Variants in STK32B observed in about 807,000 individuals in gnomAD.
STK32B encodes serine/threonine-protein kinase 32B.
In STK32B, 43 loss-of-function variants were observed where a neutral mutation model predicts 52.6. The observed-to-expected ratio is 0.82, with a 90% CI of 0.64 to 1.05. The LOEUF (loss-of-function observed/expected upper bound fraction) is 1.05. Ranked by LOEUF, STK32B falls within the 50% of genes least tolerant of loss-of-function variation. The pLI is 0.00. For synonymous variants in STK32B, 238 were observed against 204.3 expected (o/e 1.17, Z -1.41); for missense variants, 621 against 534.6 (o/e 1.16, Z -1.59).
rs1036012062 is a variant in STK32B at position 5,386,119 on chromosome 4, G to A, written c.435-12088G>A. Among the ~76,000 whole-genome samples the A allele has an allele frequency of 1.8e-4, 26 of 147,918 alleles. No individual in the cohort carries two copies. The highest frequency in any genetic ancestry group is 6.2e-4 in the African/African-American group (25 of 40,004). On this transcript the variant is annotated intron_variant, in intron 4 of 11. Transcript: ENST00000282908. The surrounding 1 kb of genome is among the most constrained non-coding windows in gnomAD (Gnocchi z 4.5). ...GCTCCACCCACAGGCCCCACCCACA[G>A]CTCTTGGCCCACAGTTCCTGGCCTT...
intron 3 of STK32B, among the ~76,000 whole-genome samples, chr4:5,318,102 CGTGT>C (rs144974089): frequency 9.3e-5 from 14 of 150,754 alleles, no homozygotes; most frequent in African/African-American, 2.7e-4. Context: ...TGCTTGTGCA[CGTGT>C]GTGTGTGTGT....
At chr4:5,413,977 CAAAAT>C (rs1286393993) in intron 5 of STK32B, among the ~76,000 whole-genome samples, 6 of 152,112 alleles carry the variant, frequency 3.9e-5, no homozygotes, top group African/African-American at 9.7e-5. Flanking sequence ...GGGATTTACT[CAAAAT>C]AAAAGTACTA....
At chr4:5,492,054 C>T (rs967196053) in intron 11 of STK32B, among the ~76,000 whole-genome samples, 1 of 152,044 alleles carries the variant, frequency 6.6e-6, no homozygotes, top group African/African-American at 2.4e-5. Context: ...ATTGACTTGG[C>T]AATGCGGGCT....
In STK32B at chr4:5,271,913, A is replaced by G. The variant is rs1012642806; in HGVS notation, c.261-59307A>G. On this transcript the variant is annotated intron_variant, in intron 3 of 11. Transcript: ENST00000282908. ...CTTAAGGAGATATTGGGCTGAGACA[A>G]TGGGGTTTTCTAGATATACAATCAT... Among the ~76,000 whole-genome samples, 32 of 145,874 alleles carry G rather than the reference A, an allele frequency of 2.2e-4. 2 individuals carry two copies. The highest frequency in any genetic ancestry group is 8.6e-4 in the African/African-American group (31 of 35,946).
chr4:5,140,426 C>T, intron 2 of STK32B: 1 of 661,124 alleles, frequency 1.5e-6, no homozygotes, highest in Non-Finnish European at 2.0e-6. Context: ...CAGTCTGTTC[C>T]CACATACTCA....
intron 3 of STK32B, among the ~76,000 whole-genome samples, chr4:5,256,513 A>T (rs1726311469): frequency 6.6e-6 from 1 of 152,166 alleles, no homozygotes; most frequent in African/African-American, 2.4e-5. Flanking sequence ...TCCCCTGTTG[A>T]GTAAATGAGC....
chr4:5,346,835 A>G (rs1733496899), intron 4 of STK32B, among the ~76,000 whole-genome samples: 1 of 152,204 alleles, frequency 6.6e-6, no homozygotes, highest in African/African-American at 2.4e-5. Context: ...AAGAAGGTTT[A>G]ATTGACTCAC....
At chr4:5,251,321 C>T (rs891046339) in intron 3 of STK32B, among the ~76,000 whole-genome samples, 12 of 152,178 alleles carry the variant, frequency 7.9e-5, no homozygotes, top group Admixed American at 5.2e-4. Context: ...GTTATCCCAG[C>T]ACCATTTGTT....
intron 5 of STK32B, among the ~76,000 whole-genome samples, chr4:5,408,152 T>A (rs936839603): frequency 7.9e-5 from 12 of 152,094 alleles, no homozygotes; most frequent in African/African-American, 2.9e-4. Context: ...CGGACTGAGA[T>A]GGGGAGTGAA....
chr4:5,240,995 GTTC>G (rs1724986535), intron 3 of STK32B, among the ~76,000 whole-genome samples: 1 of 152,090 alleles, frequency 6.6e-6, no homozygotes, highest in African/African-American at 2.4e-5. Context: ...CTTCCATCCT[GTTC>G]TTCTTCAAGA....
At chr4:5,054,881 G>A (rs887113444) in intron 1 of STK32B, among the ~76,000 whole-genome samples, 7 of 152,194 alleles carry the variant, frequency 4.6e-5, no homozygotes, top group Admixed American at 2.6e-4. Flanking sequence ...AACTCATTGT[G>A]TGCAAGTGGT....
chr4:5,263,655 C>T (rs993529003), intron 3 of STK32B, among the ~76,000 whole-genome samples: 2 of 152,182 alleles, frequency 1.3e-5, no homozygotes, highest in Non-Finnish European at 2.9e-5. Context: ...CAGTATTTTA[C>T]ATATTATGAT....
chr4:5,277,631 C>G (rs904045199), intron 3 of STK32B, among the ~76,000 whole-genome samples: 2 of 151,964 alleles, frequency 1.3e-5, no homozygotes, highest in Non-Finnish European at 2.9e-5. Flanking sequence ...GTTTTACTCA[C>G]TAAAAAAAAC....
At chr4:5,310,122 C>T (rs775362714) in intron 3 of STK32B, among the ~76,000 whole-genome samples, 3 of 152,044 alleles carry the variant, frequency 2.0e-5, no homozygotes, top group South Asian at 4.1e-4. Flanking sequence ...GCCCAGATCA[C>T]GCCACTGCAC....
intron 2 of STK32B, among the ~76,000 whole-genome samples, chr4:5,157,443 G>T (rs1209605545): frequency 6.6e-6 from 1 of 152,212 alleles, no homozygotes; most frequent in African/African-American, 2.4e-5. Context: ...GTGTAGTGCA[G>T]TGACCTGCAA....
At chr4:5,259,947 C>A (rs891672022) in intron 3 of STK32B, among the ~76,000 whole-genome samples, 1 of 151,762 alleles carries the variant, frequency 6.6e-6, no homozygotes, top group Admixed American at 6.6e-5. Context: ...GGGGATGGGG[C>A]AAGAGTTTCC....
chr4:5,381,761 TG>T (rs756904467), intron 4 of STK32B, among the ~76,000 whole-genome samples: 5 of 152,206 alleles, frequency 3.3e-5, no homozygotes, highest in Admixed American at 6.5e-5. Context: ...AAGATGGTAA[TG>T]GGTTCTGGAA....
At chr4:5,424,000 C>T (rs1350133314) in intron 6 of STK32B, among the ~76,000 whole-genome samples, 1 of 152,088 alleles carries the variant, frequency 6.6e-6, no homozygotes, top group Non-Finnish European at 1.5e-5. Context: ...CTCAGGGAAA[C>T]CCCACTCCCC....
intron 3 of STK32B, among the ~76,000 whole-genome samples, chr4:5,225,051 T>C (rs1450813961): frequency 6.6e-6 from 1 of 152,202 alleles, no homozygotes; most frequent in Non-Finnish European, 1.5e-5. Flanking sequence ...GGACCTCTTA[T>C]GCTGTTAAAA....
Sources: allele counts gnomAD v4.1 joint callset (sites outside exome capture counted in the v4.1 genomes callset), GRCh38; gene constraint gnomAD v4.1.1; non-coding constraint Gnocchi (gnomAD v3.1); transcripts MANE v1.5; gene names NCBI Gene and HGNC (gene_info 2026-07-23, HGNC 2026-07-21).